The following P4HB variants were observed in gnomAD, a reference collection of about 807,000 sequenced individuals.
P4HB encodes the protein prolyl 4-hydroxylase subunit beta, also known as protein disulfide-isomerase.
In P4HB, 20 loss-of-function variants were observed where a neutral mutation model predicts 52.6. That is an observed-to-expected ratio of 0.38 (90% confidence interval 0.27 to 0.55). The LOEUF (loss-of-function observed/expected upper bound fraction) is 0.55, where lower values mean the gene tolerates loss of function less well. Among genes scored for constraint, P4HB ranks in the 20% least tolerant of loss-of-function variants. P4HB has a pLI of 0.74. For missense variants in P4HB, 601 were observed against 669.2 expected (o/e 0.90, Z 1.12); for synonymous variants, 296 against 277.9 (o/e 1.07, Z -0.65).
intron 4 of P4HB, among the ~76,000 whole-genome samples, chr17:81,849,877 G>A (rs1373342287): frequency 6.6e-6 from 1 of 152,024 alleles, no homozygotes; most frequent in African/African-American, 2.4e-5. Context: ...ACCCAGGCTG[G>A]AGTGCAATGG....
Position 81,855,791 on chromosome 17 carries a change from G to A in P4HB, c.353-205C>T. The A allele has an allele frequency of 1.8e-6, 1 of 547,330 alleles. No homozygotes were observed. The highest frequency in any genetic ancestry group is 3.2e-6 in the Non-Finnish European group (1 of 313,206). The allele number at this position is 547,330 out of a possible 1,614,324, so 33.9% of individuals were successfully genotyped here. A position where few individuals can be genotyped will look rare whatever the true frequency, so the allele number is the denominator to read the frequency against. ...TACGTGAGACTGTGGTTGTGTTTATGGGGAGTGGAGAGGGAAGAGGGTGAT... is the reference window on the plus strand; with the variant it reads ...TACGTGAGACTGTGGTTGTGTTTATAGGGAGTGGAGAGGGAAGAGGGTGAT... On this transcript the variant is annotated intron_variant, in intron 2 of 10. Transcript: ENST00000331483. The surrounding 1 kb of genome is among the most constrained non-coding windows in gnomAD (Gnocchi z 4.3).
At chr17:81,847,582 T>G (rs1010859873) in intron 4 of P4HB, 5 of 569,090 alleles carry the variant, frequency 8.8e-6, no homozygotes, top group Non-Finnish European at 1.6e-5. Flanking sequence ...ACATCCACAA[T>G]GCAAGCCTGG....
At chr17:81,844,164 C>T in intron 10 of P4HB, 72 bp from the exon 11 acceptor site, 1 of 1,016,062 alleles carries the variant, frequency 9.8e-7, no homozygotes, top group South Asian at 1.3e-5. Context: ...CCCAGCACCC[C>T]ACACTGCTCA....
rs1598262926 is a variant in P4HB, at chr17:81,845,200, C to A, written c.1390G>T (p.Asp464Tyr). The change falls in exon 10 of 11, where the codon GAT (aspartate) becomes TAT (tyrosine). Residue 464 changes from aspartate to tyrosine, a missense_variant. By Grantham distance (160) the Asp-to-Tyr change is radical. Coordinates refer to ENST00000331483, the MANE Select transcript of P4HB (RefSeq NM_000918.4). ...CTCTCCAGGAATTTCTTAAAACCAT[C>A]CAGCGTGCGTTCCCCGTTGTAATCA... The part of the protein sequence containing the change: ...VIDYNGERTL[D>Y]GFKKFLESGG... The A allele has an allele frequency of 6.2e-7, 1 of 1,613,930 alleles. No individual in the cohort carries two copies.
intron 4 of P4HB, among the ~76,000 whole-genome samples, chr17:81,852,545 G>A (rs1463495844): frequency 6.6e-6 from 1 of 152,252 alleles, no homozygotes; most frequent in Non-Finnish European, 1.5e-5. Flanking sequence ...GCTTCTGCCC[G>A]GAGCTGCCTG....
In P4HB at chr17:81,843,716, C is replaced by G. The variant is rs199988706; in HGVS notation, c.*296G>C. The G allele has an allele frequency of 2.2e-6, 1 of 456,084 alleles. No individual in the cohort carries two copies. Among genetic ancestry groups the G allele is most frequent in the Non-Finnish European group, 3.9e-6 (1 of 258,542 alleles). The allele number at this position is 456,084 out of a possible 1,614,324, so 28.3% of individuals were successfully genotyped here. On this transcript the variant is annotated 3_prime_UTR_variant, in exon 11 of 11. Coordinates refer to ENST00000331483, the MANE Select transcript of P4HB (RefSeq NM_000918.4). ...GAGGGAGGCAGCGAGACTCCGAACA[C>G]GGTAGCAAGCACTCTGGACAGACTC...
chr17:81,859,137 A>C, intron 2 of P4HB, 44 bp downstream of exon 2: 1 of 1,578,278 alleles, frequency 6.3e-7, no homozygotes, highest in Non-Finnish European at 8.7e-7. Context: ...TCGGCAGGCC[A>C]GTCCCTCTCT....
At chr17:81,853,561 C>T (rs1479722509) in intron 4 of P4HB, among the ~76,000 whole-genome samples, 1 of 151,104 alleles carries the variant, frequency 6.6e-6, no homozygotes, top group African/African-American at 2.4e-5. Context: ...GCGACAGAGA[C>T]AGACTCTGTC....
chr17:81,849,899 C>G (rs977893856), intron 4 of P4HB, among the ~76,000 whole-genome samples: 1 of 151,962 alleles, frequency 6.6e-6, no homozygotes, highest in African/African-American at 2.4e-5. Flanking sequence ...ATGATCTCGG[C>G]TCACTGCAAC....
At position 81,843,342 on chromosome 17, in the gene P4HB, T is replaced by C; in HGVS notation, c.*670A>G. ...GGCCGTGCTGTAGAGAGGCCAGTGG[T>C]CACAATGAGCCCACGACAGGAGGAG... On this transcript the variant is annotated 3_prime_UTR_variant, in exon 11 of 11. Transcript: ENST00000331483. 2.5e-6 allele frequency: 1 copy of C among 396,622 alleles called. No homozygotes were observed. The highest frequency in any genetic ancestry group is 4.4e-6 in the Non-Finnish European group (1 of 225,458). The allele number at this position is 396,622 out of a possible 1,614,324, so 24.6% of individuals were successfully genotyped here.
chr17:81,847,068 GCTGT>G lies in P4HB; in HGVS notation c.730_733del (p.Thr244ProfsTer28). On this transcript the variant is annotated frameshift_variant and splice_region_variant, in exon 6 of 11. Coordinates refer to ENST00000331483, the MANE Select transcript of P4HB (RefSeq NM_000918.4). LOFTEE classifies it high-confidence loss of function. ...GATTTCACCTCCAAAAATCTTCGGG[GCTGT>G]CTGTGTTATAAACTTAAGTTACTGG... 6.2e-7 allele frequency: 1 copy of G among 1,613,866 alleles called. No homozygotes were observed. The highest frequency in any genetic ancestry group is 8.5e-7 in the Non-Finnish European group (1 of 1,180,010).
At position 81,843,707 on chromosome 17, in the gene P4HB, C is replaced by A; in HGVS notation, c.*305G>T. 1 of 436,592 alleles carries A rather than the reference C, an allele frequency of 2.3e-6. No individual in the cohort carries two copies. The highest frequency in any genetic ancestry group is 6.3e-5 in the South Asian group (1 of 15,932). 27.0% of individuals were successfully genotyped at this position (436,592 alleles called of 1,614,324 possible). On this transcript the variant is annotated 3_prime_UTR_variant, in exon 11 of 11. Coordinates refer to ENST00000331483, the MANE Select transcript of P4HB (RefSeq NM_000918.4). ...CTCCCGCGGGAGGGAGGCAGCGAGA[C>A]TCCGAACACGGTAGCAAGCACTCTG...
intron 4 of P4HB, among the ~76,000 whole-genome samples, chr17:81,848,025 C>T (rs1223268219): frequency 6.6e-6 from 1 of 151,996 alleles, no homozygotes; most frequent in Non-Finnish European, 1.5e-5. Flanking sequence ...CTGCCTCAGC[C>T]TCCCAAGTAG....
rs894074533 is a variant in P4HB, at chr17:81,846,150, G to C, written c.1057-159C>G. Reference sequence around the variant, plus strand: ...AGTGCCAAGAATCCAGAAAGAGAAGGCTGGGCCAGTGGGCTGGGCCCAATG... The same window carrying C: ...AGTGCCAAGAATCCAGAAAGAGAAGCCTGGGCCAGTGGGCTGGGCCCAATG... On this transcript the variant is annotated intron_variant, in intron 7 of 10. Coordinates refer to ENST00000331483, the MANE Select transcript of P4HB (RefSeq NM_000918.4). This position sits in a 1 kb window ranked among gnomAD's most constrained non-coding sequence, Gnocchi z 5.7. Among the ~76,000 whole-genome samples the C allele has an allele frequency of 6.6e-6, 1 of 152,238 alleles. No individual in the cohort carries two copies. Among genetic ancestry groups the C allele is most frequent in the Non-Finnish European group, 1.5e-5 (1 of 68,034 alleles).
chr17:81,847,500 G>T, intron 4 of P4HB, 153 bp from the exon 5 acceptor site: 1 of 672,622 alleles, frequency 1.5e-6, no homozygotes. Context: ...TACAGGACAT[G>T]GCTGTTCCTC....
intron 2 of P4HB, among the ~76,000 whole-genome samples, chr17:81,857,990 G>A (rs777940650): frequency 6.6e-6 from 1 of 152,100 alleles, no homozygotes; most frequent in Non-Finnish European, 1.5e-5. Flanking sequence ...GTGAACATGA[G>A]TAAAAAATGA....
rs2038728392 is a variant in P4HB, at chr17:81,845,898, C to T, written c.1150G>A (p.Glu384Lys). ...AACTCCACAAAGACGTTTTTTTTCT[C>T]ATCAAAAGCCACGTCTTCAAAGTTC... ...GKNFEDVAFDEKKNVFVEFYA... is the reference protein window; with the variant it reads ...GKNFEDVAFDKKKNVFVEFYA... The change falls in exon 8 of 11, where the codon GAG becomes AAG. Residue 384 changes from glutamate to lysine, a missense_variant. Transcript: ENST00000331483. 6.2e-7 allele frequency: 1 copy of T among 1,613,666 alleles called. No homozygotes were observed. The highest frequency in any genetic ancestry group is 1.7e-5 in the Admixed American group (1 of 59,972).
Position 81,860,516 on chromosome 17 carries a change from A to G in P4HB, c.-45T>C. ...GGGCGCTTCGGTTGGCGCCGCCGGG[A>G]CAGCGGGGGCGACGAGAGCGCGCGC... On this transcript the variant is annotated 5_prime_UTR_variant, in exon 1 of 11. Transcript: ENST00000331483. 1 of 1,234,908 alleles carries G rather than the reference A, an allele frequency of 8.1e-7. No individual in the cohort carries two copies. Among genetic ancestry groups the G allele is most frequent in the Non-Finnish European group, 1.0e-6 (1 of 987,284 alleles). 76.5% of individuals were successfully genotyped at this position (1,234,908 alleles called of 1,614,324 possible).
intron 2 of P4HB, among the ~76,000 whole-genome samples, chr17:81,856,169 CT>C (rs759611240): frequency 4.7e-5 from 7 of 147,632 alleles, no homozygotes; most frequent in East Asian, 2.0e-4. Context: ...AATCCCAGCC[CT>C]TTTTTTTTTC....
Sources: gnomAD v4.1 joint callset for allele counts (sites outside exome capture counted in the v4.1 genomes callset) on GRCh38, gnomAD v4.1.1 for gene constraint, Gnocchi (gnomAD v3.1) non-coding constraint, MANE v1.5 for transcripts, NCBI Gene and HGNC (gene_info 2026-07-23, HGNC 2026-07-21) for gene names.